The following EIF2B1 variants were observed in gnomAD, a reference collection of about 807,000 sequenced individuals.
EIF2B1 encodes the protein eukaryotic translation initiation factor 2B subunit alpha, also known as translation initiation factor eIF2B subunit alpha.
A neutral mutation model predicts 36.8 loss-of-function variants in EIF2B1; 30 were observed. The ratio of observed to expected loss-of-function variants is 0.81; its 90% CI spans 0.61 to 1.10. The LOEUF is 1.10. Ranked by LOEUF, EIF2B1 falls within the 50% of genes least tolerant of loss-of-function variation. The probability of loss-of-function intolerance (pLI) is 0.00; values close to 1 mark genes in which losing one functional copy is unlikely to be tolerated. For missense variants in EIF2B1, 271 were observed against 374.8 expected, an observed-to-expected ratio of 0.72 and a Z score of 2.29; for synonymous variants, 139 against 142.2, an observed-to-expected ratio of 0.98 and a Z score of 0.16.
At chr12:123,623,874 A>G (rs1457026239) in intron 7 of EIF2B1, among the ~76,000 whole-genome samples, 1 of 152,080 alleles carries the variant, frequency 6.6e-6, no homozygotes, top group Non-Finnish European at 1.5e-5. Flanking sequence ...AATGTGCTCA[A>G]TTAAAATGAA....
chr12:123,628,404 C>T (rs1164722356), intron 4 of EIF2B1, among the ~76,000 whole-genome samples: 1 of 144,972 alleles, frequency 6.9e-6, no homozygotes, highest in African/African-American at 2.6e-5. Context: ...CTCCAATTGC[C>T]CAGGCTGAAG....
In EIF2B1 at chr12:123,630,055, A is replaced by G; in HGVS notation, c.369+114T>C. ...GATGAGAAAGCTGCACAGACAGGTT[A>G]AGTTACTTGTTCAAGTCTCCACAGC... On this transcript the variant is annotated intron_variant, in intron 4 of 8. Coordinates refer to ENST00000424014, the MANE Select transcript of EIF2B1 (RefSeq NM_001414.4). This position sits in a 1 kb window ranked among gnomAD's most constrained non-coding sequence, Gnocchi z 4.6. The G allele has an allele frequency of 1.1e-6, 1 of 872,536 alleles. No individual in the cohort carries two copies. The highest frequency in any genetic ancestry group is 1.9e-6 in the Non-Finnish European group (1 of 514,828). 54.0% of individuals were successfully genotyped at this position (872,536 alleles called of 1,614,324 possible).
rs996849312 is a variant in EIF2B1, at chr12:123,630,938, A to C, written c.116-405T>G. Among the ~76,000 whole-genome samples, 1 of 152,220 alleles carries C rather than the reference A, an allele frequency of 6.6e-6. No homozygotes were observed. Among genetic ancestry groups the C allele is most frequent in the African/African-American group, 2.4e-5 (1 of 41,454 alleles). ...TGGGAAGACACTGGAGGTTGCCTTA[A>C]AGACATGTGTCTCTAGGCAAGCCCT... On this transcript the variant is annotated intron_variant, in intron 2 of 8. Transcript: ENST00000424014. This position sits in a 1 kb window ranked among gnomAD's most constrained non-coding sequence, Gnocchi z 4.6.
chr12:123,626,353 C>G, intron 6 of EIF2B1, 72 bp downstream of exon 6: 1 of 1,594,330 alleles, frequency 6.3e-7, no homozygotes, highest in Non-Finnish European at 8.6e-7. Context: ...CTCAAACTTT[C>G]AATCTGAAAA....
chr12:123,625,968 T>A lies in EIF2B1; in HGVS notation c.551+457A>T, dbSNP rs540859664. The A allele has an allele frequency of 1.6e-3, 314 of 191,040 alleles. 2 individuals are homozygous for A. The highest frequency in any genetic ancestry group is 7.1e-3 in the African/African-American group (303 of 42,752). The allele number at this position is 191,040 out of a possible 1,614,324, so 11.8% of individuals were successfully genotyped here. ...CAACATGGTGAAACCCCATCTCTAC[T>A]AAAAATATAAAAGAATTAACGTGGC... On this transcript the variant is annotated intron_variant, in intron 6 of 8. Coordinates refer to ENST00000424014, the MANE Select transcript of EIF2B1 (RefSeq NM_001414.4).
Position 123,630,371 on chromosome 12 carries a change from TA to T in EIF2B1, c.252+25del. 1.9e-6 allele frequency: 3 copies of T among 1,614,112 alleles called. No individual in the cohort carries two copies. The highest frequency in any genetic ancestry group is 2.5e-6 in the Non-Finnish European group (3 of 1,180,014). On this transcript the variant is annotated intron_variant, in intron 3 of 8. Coordinates refer to ENST00000424014, the MANE Select transcript of EIF2B1 (RefSeq NM_001414.4). The surrounding 1 kb of genome is among the most constrained non-coding windows in gnomAD (Gnocchi z 4.6). Reference sequence around the variant, plus strand: ...GTCACTAAACAGAGAAGTGGAAAGGTAACCCCAGGGAGAACAGGCACTTACG... The same window carrying T: ...GTCACTAAACAGAGAAGTGGAAAGGTACCCCAGGGAGAACAGGCACTTACG...
rs964280278 is a variant in EIF2B1 at position 123,633,616 on chromosome 12, G to C, written c.-59C>G. ...GAGCCGCCCGCGCTGTCTCGAACGGGTCCGCCGGCCGCGCCGCCTGCGAGC... is the reference window on the plus strand; with the variant it reads ...GAGCCGCCCGCGCTGTCTCGAACGGCTCCGCCGGCCGCGCCGCCTGCGAGC... On this transcript the variant is annotated 5_prime_UTR_variant, in exon 1 of 9. Coordinates refer to ENST00000424014, the MANE Select transcript of EIF2B1 (RefSeq NM_001414.4). The C allele has an allele frequency of 6.3e-7, 1 of 1,599,486 alleles. No homozygotes were observed. The highest frequency in any genetic ancestry group is 2.2e-5 in the East Asian group (1 of 44,812).
chr12:123,624,649 C>T, intron 7 of EIF2B1, 138 bp downstream of exon 7: 1 of 764,018 alleles, frequency 1.3e-6, no homozygotes, highest in Non-Finnish European at 2.3e-6. Flanking sequence ...GGGAAATGGG[C>T]AACAACTCAA....
chr12:123,630,645 C>CT lies in EIF2B1; in HGVS notation c.116-113_116-112insA. 1.4e-6 allele frequency: 2 copies of CT among 1,437,518 alleles called. No individual in the cohort carries two copies. The highest frequency in any genetic ancestry group is 1.2e-5 in the South Asian group (1 of 84,654). 89.0% of individuals were successfully genotyped at this position (1,437,518 alleles called of 1,614,324 possible). A position where few individuals can be genotyped will look rare whatever the true frequency, so the allele number is the denominator to read the frequency against. On this transcript the variant is annotated intron_variant, in intron 2 of 8. Transcript: ENST00000424014. This position sits in a 1 kb window ranked among gnomAD's most constrained non-coding sequence, Gnocchi z 4.6. ...TATTTACTAGGTACATACTATATACCAGGCACTATTCTAGATGCTAGGGAT... is the reference window on the plus strand; with the variant it reads ...TATTTACTAGGTACATACTATATACCTAGGCACTATTCTAGATGCTAGGGAT...
In EIF2B1 at chr12:123,627,234, C is replaced by T. The variant is rs540510087; in HGVS notation, c.370-78G>A. 32 of 1,071,612 alleles carry T rather than the reference C, an allele frequency of 3.0e-5. No homozygotes were observed. The South Asian group carries it at 3.4e-4, about 11-fold the overall frequency. 66.4% of individuals were successfully genotyped at this position (1,071,612 alleles called of 1,614,324 possible). On this transcript the variant is annotated intron_variant, in intron 4 of 8. Coordinates refer to ENST00000424014, the MANE Select transcript of EIF2B1 (RefSeq NM_001414.4). ...CACCCTCTGCACTGCGGCACGTGTT[C>T]CCGACACCCTAAGCATCTCTGTACA... is the stretch of plus-strand genomic sequence containing the variant.
intron 5 of EIF2B1, 142 bp from the exon 6 acceptor site, chr12:123,626,635 C>T (rs1955150984): frequency 1.1e-6 from 1 of 946,556 alleles, no homozygotes. Flanking sequence ...ATACTTTGGA[C>T]TAAGGAAACA....
intron 4 of EIF2B1, among the ~76,000 whole-genome samples, chr12:123,628,093 A>T (rs550926272): frequency 6.6e-6 from 1 of 152,118 alleles, no homozygotes; most frequent in Non-Finnish European, 1.5e-5. Flanking sequence ...TCTTGCTCTG[A>T]TGCCTAGGCT....
intron 7 of EIF2B1, 49 bp from the exon 8 acceptor site, chr12:123,622,810 T>C: frequency 6.2e-7 from 1 of 1,610,296 alleles, no homozygotes; most frequent in Non-Finnish European, 8.5e-7. Context: ...GCATCTGAAG[T>C]AGAAGCCACA....
intron 8 of EIF2B1, 66 bp from the exon 9 acceptor site, chr12:123,621,986 T>C (rs1455356851): frequency 6.3e-7 from 1 of 1,591,116 alleles, no homozygotes. Flanking sequence ...AGGGCCTTGG[T>C]GTGAGTGATC....
At chr12:123,627,196 TGC>T in intron 4 of EIF2B1, 40 bp from the exon 5 acceptor site, 4 of 1,519,388 alleles carry the variant, frequency 2.6e-6, no homozygotes, top group Non-Finnish European at 3.7e-6. Context: ...GCAGGCTCCT[TGC>T]TGCTCACTCA....
In EIF2B1 at chr12:123,620,430, G is replaced by GAACACAGCGAGACCCTCTCATTAAAAAC. The variant is rs1955047311; in HGVS notation, c.*1298_*1325dup. ...GCCCAGGAGTTCAAGACCAGCCTGG[G>GAACACAGCGAGACCCTCTCATTAAAAAC]AACACAGCGAGACCCTCTCATTAAA... On this transcript the variant is annotated 3_prime_UTR_variant, in exon 9 of 9. Transcript: ENST00000424014. 1 of 225,608 alleles carries GAACACAGCGAGACCCTCTCATTAAAAAC rather than the reference G, an allele frequency of 4.4e-6. No homozygotes were observed. The highest frequency in any genetic ancestry group is 8.7e-6 in the Non-Finnish European group (1 of 114,668). The allele number at this position is 225,608 out of a possible 1,614,324, so 14.0% of individuals were successfully genotyped here.
chr12:123,632,508 T>C (rs1955202882), intron 1 of EIF2B1, 62 bp from the exon 2 acceptor site: 1 of 1,136,022 alleles, frequency 8.8e-7, no homozygotes, highest in Non-Finnish European at 1.3e-6. Flanking sequence ...GCAAGAGAGC[T>C]TGTTAATGAC....
intron 5 of EIF2B1, 21 bp downstream of exon 5, chr12:123,627,023 A>G: frequency 6.2e-7 from 1 of 1,606,664 alleles, no homozygotes; most frequent in East Asian, 2.2e-5. Context: ...TGGGCACATA[A>G]CTGAACAGAA....
chr12:123,624,667 A>G (rs1955134868), intron 7 of EIF2B1, 120 bp downstream of exon 7: 1 of 851,806 alleles, frequency 1.2e-6, no homozygotes, highest in Non-Finnish European at 2.0e-6. Flanking sequence ...CAATACCATG[A>G]TGAAGTCCTG....
Sources: gnomAD v4.1 joint callset for allele counts (sites outside exome capture counted in the v4.1 genomes callset) on GRCh38, gnomAD v4.1.1 for gene constraint, Gnocchi (gnomAD v3.1) non-coding constraint, MANE v1.5 for transcripts, NCBI Gene and HGNC (gene_info 2026-07-23, HGNC 2026-07-21) for gene names.